COL14A1: variants seen among roughly 807,000 people sequenced by gnomAD.
COL14A1 encodes the protein collagen alpha-1(XIV) chain.
A neutral mutation model predicts 230.3 loss-of-function variants in COL14A1; 136 were observed. That is an observed-to-expected ratio of 0.59 (90% CI 0.51 to 0.68). COL14A1 has a LOEUF of 0.68. COL14A1 is among the 30% of genes least tolerant of loss of function. The pLI is 0.00. For synonymous variants in COL14A1, 792 were observed against 784.1 expected, an observed-to-expected ratio of 1.01 and a Z score of -0.17; for missense variants, 1,976 against 2,215.8, an observed-to-expected ratio of 0.89 and a Z score of 2.17.
intron 1 of COL14A1, 149 bp downstream of exon 1, chr8:120,125,489 T>TTGGGACGGGA (rs935566478): frequency 6.6e-6 from 1 of 152,628 alleles, no homozygotes; most frequent in African/African-American, 2.4e-5. Context: ...CTGGGGACCT[T>TTGGGACGGGA]TGGGACGGGA....
intron 2 of COL14A1, among the ~76,000 whole-genome samples, chr8:120,151,121 C>T (rs552999977): frequency 3.9e-5 from 6 of 152,104 alleles, no homozygotes; most frequent in Non-Finnish European, 7.4e-5. Flanking sequence ...CAATAAGAAA[C>T]GCTTTAGAGG....
chr8:120,145,223 G>A (rs1815047138), intron 1 of COL14A1, among the ~76,000 whole-genome samples: 1 of 152,156 alleles, frequency 6.6e-6, no homozygotes, highest in Non-Finnish European at 1.5e-5. Context: ...CTGTGATGGT[G>A]GAAGTGTTGT....
At chr8:120,247,588 G>A in intron 20 of COL14A1, 25 bp from the exon 21 acceptor site, 2 of 1,602,710 alleles carry the variant, frequency 1.2e-6, no homozygotes, top group South Asian at 2.2e-5. Context: ...CTGAATCCCT[G>A]TTTTTCCTTT....
Position 120,255,298 on chromosome 8 carries a change from C to G in COL14A1, c.2811C>G (p.Ala937=). The stretch of plus-strand genomic sequence containing the variant: ...ATGTTGAAATGACCAGCTTGTGTGC[C>G]CACTGGCAGGTACATCGCCATGCCA... ...AKHVEMTSLC[A]HWQVHRHATA... The change falls in exon 23 of 48, where the codon GCC becomes GCG. Residue 937 remains alanine (A), a synonymous_variant. Coordinates refer to ENST00000297848, the MANE Select transcript of COL14A1 (RefSeq NM_021110.4). 6.2e-7 allele frequency: 1 copy of G among 1,614,112 alleles called. No homozygotes were observed. Among genetic ancestry groups the G allele is most frequent in the Non-Finnish European group, 8.5e-7 (1 of 1,180,002 alleles).
At chr8:120,218,013 T>TTA (rs932666876) in intron 14 of COL14A1, among the ~76,000 whole-genome samples, 5 of 142,764 alleles carry the variant, frequency 3.5e-5, no homozygotes, top group African/African-American at 1.3e-4. Context: ...TATATTTAAA[T>TTA]TATATATTAT....
At chr8:120,176,848 C>T (rs1396872375) in intron 5 of COL14A1, among the ~76,000 whole-genome samples, 5 of 152,146 alleles carry the variant, frequency 3.3e-5, no homozygotes, top group African/African-American at 1.2e-4. Context: ...TTCTCCTCCT[C>T]CCTTTCCTTT....
At chr8:120,157,677 G>A (rs1330391449) in intron 2 of COL14A1, among the ~76,000 whole-genome samples, 1 of 152,080 alleles carries the variant, frequency 6.6e-6, no homozygotes, top group Middle Eastern at 3.2e-3. Flanking sequence ...GTTCATTAGT[G>A]AGGTTGTAAA....
At chr8:120,167,827 G>C (rs944030162) in intron 4 of COL14A1, among the ~76,000 whole-genome samples, 4 of 152,164 alleles carry the variant, frequency 2.6e-5, no homozygotes, top group African/African-American at 9.7e-5. Flanking sequence ...TTATGAGATA[G>C]GTGTTAGCTT....
At chr8:120,146,362 A>G (rs1339148058) in intron 1 of COL14A1, among the ~76,000 whole-genome samples, 2 of 152,166 alleles carry the variant, frequency 1.3e-5, no homozygotes, top group South Asian at 2.1e-4. Context: ...AGTAAGCTTT[A>G]AAGCTTATTA....
chr8:120,254,337 G>A (rs1391626367), intron 22 of COL14A1, among the ~76,000 whole-genome samples: 1 of 152,026 alleles, frequency 6.6e-6, no homozygotes, highest in African/African-American at 2.4e-5. Context: ...AGATTAATAG[G>A]AACCTATGTA....
intron 5 of COL14A1, among the ~76,000 whole-genome samples, chr8:120,194,640 A>T (rs1816962247): frequency 6.6e-6 from 1 of 152,190 alleles, no homozygotes; most frequent in Non-Finnish European, 1.5e-5. Context: ...GTTATTTTTT[A>T]AACCAGAAAA....
rs1201622315 is a variant in COL14A1, at chr8:120,287,086, A to G, written c.4077+1116A>G. On this transcript the variant is annotated intron_variant, in intron 33 of 47. Transcript: ENST00000297848. ...TAAAGTGAGAGAAGGGATGCTGCAT[A>G]GCAATTTTCTTGGCTCCTGTCTCAT... 7.9e-5 allele frequency among the ~76,000 whole-genome samples: 12 copies of G among 152,194 alleles called. No homozygotes were observed. In the East Asian group the frequency reaches 2.3e-3, roughly 29 times the overall value.
intron 26 of COL14A1, among the ~76,000 whole-genome samples, chr8:120,273,527 A>C (rs1013422569): frequency 6.6e-6 from 1 of 151,910 alleles, no homozygotes; most frequent in African/African-American, 2.4e-5. Flanking sequence ...AAGATAAACA[A>C]AATTGATAGA....
At chr8:120,162,115 T>C (rs1425980382) in intron 3 of COL14A1, among the ~76,000 whole-genome samples, 2 of 152,238 alleles carry the variant, frequency 1.3e-5, no homozygotes, top group East Asian at 3.8e-4. Flanking sequence ...TGGTTTTCTC[T>C]AATTTCGACA....
intron 20 of COL14A1, 66 bp downstream of exon 20, chr8:120,244,074 A>G: frequency 6.5e-7 from 1 of 1,550,322 alleles, no homozygotes; most frequent in Non-Finnish European, 8.7e-7. Context: ...GTCCCCTGTA[A>G]TGCACCCTGA....
intron 15 of COL14A1, among the ~76,000 whole-genome samples, chr8:120,226,205 T>C (rs1170299274): frequency 6.6e-6 from 1 of 151,982 alleles, no homozygotes. Flanking sequence ...CCAGGATTAA[T>C]ACCAGGGAGC....
intron 17 of COL14A1, among the ~76,000 whole-genome samples, chr8:120,228,178 G>C (rs1818155495): frequency 6.6e-6 from 1 of 152,168 alleles, no homozygotes; most frequent in South Asian, 2.1e-4. Flanking sequence ...GCTGTGAACT[G>C]TTGGCAGGCA....
intron 33 of COL14A1, among the ~76,000 whole-genome samples, chr8:120,287,838 A>G (rs1424629678): frequency 2.0e-5 from 3 of 152,154 alleles, no homozygotes; most frequent in African/African-American, 7.2e-5. Flanking sequence ...TCATAGACTT[A>G]TAAATGAATA....
intron 19 of COL14A1, among the ~76,000 whole-genome samples, chr8:120,234,045 T>C (rs1324123311): frequency 6.6e-6 from 1 of 152,216 alleles, no homozygotes; most frequent in Non-Finnish European, 1.5e-5. Flanking sequence ...CCTTTGTAAG[T>C]TGGATTCCTA....
Sources: gnomAD v4.1 joint callset for allele counts (sites outside exome capture counted in the v4.1 genomes callset) on GRCh38, gnomAD v4.1.1 for gene constraint, MANE v1.5 for transcripts, NCBI Gene and HGNC (gene_info 2026-07-23, HGNC 2026-07-21) for gene names.